Variants in PLCB1 observed in about 807,000 individuals in gnomAD.
The protein encoded by PLCB1 is phospholipase C beta 1, also known as 1-phosphatidylinositol 4,5-bisphosphate phosphodiesterase beta-1.
In PLCB1, 46 loss-of-function variants were observed where a neutral mutation model predicts 161.8. The ratio of observed to expected loss-of-function variants is 0.28; its 90% CI spans 0.22 to 0.36. The LOEUF is 0.36. Ranked by LOEUF, PLCB1 falls within the 10% of genes least tolerant of loss-of-function variation. The probability of loss-of-function intolerance (pLI) is 1.00; values close to 1 mark genes in which losing one functional copy is unlikely to be tolerated. For synonymous variants in PLCB1, 517 were observed against 503.7 expected (o/e 1.03, Z -0.35); for missense variants, 1,016 against 1,472.5 (o/e 0.69, Z 5.07).
intron 2 of PLCB1, 101 bp from the exon 3 acceptor site, chr20:8,371,281 A>G (rs1365425937): frequency 4.2e-6 from 3 of 708,698 alleles, no homozygotes. Context: ...AGAAGTCTTC[A>G]GTCAAGTCTC....
At chr20:8,294,866 CAACTT>C (rs1429942629) in intron 2 of PLCB1, among the ~76,000 whole-genome samples, 15 of 151,866 alleles carry the variant, frequency 9.9e-5, no homozygotes, top group South Asian at 2.1e-4. Flanking sequence ...TTAATAATGT[CAACTT>C]AAATGACCAT....
At chr20:8,814,512 C>A (rs570845490) in intron 31 of PLCB1, among the ~76,000 whole-genome samples, 12 of 151,120 alleles carry the variant, frequency 7.9e-5, no homozygotes, top group Admixed American at 3.3e-4. Flanking sequence ...ATCTATCCAT[C>A]CATCCATTTA....
At chr20:8,810,177 T>C (rs1304766045) in intron 31 of PLCB1, among the ~76,000 whole-genome samples, 1 of 152,192 alleles carries the variant, frequency 6.6e-6, no homozygotes, top group Non-Finnish European at 1.5e-5. Flanking sequence ...GAAAATGTAA[T>C]ACCATCTGGC....
At chr20:8,757,406 C>G (rs1252856202) in intron 24 of PLCB1, among the ~76,000 whole-genome samples, 1 of 152,124 alleles carries the variant, frequency 6.6e-6, no homozygotes, top group Admixed American at 6.5e-5. Context: ...AAAAAATCAC[C>G]CAGATTTCCG....
At chr20:8,160,003 A>G (rs1375885357) in intron 2 of PLCB1, among the ~76,000 whole-genome samples, 11 of 151,044 alleles carry the variant, frequency 7.3e-5, no homozygotes, top group East Asian at 1.9e-4. Context: ...AAAAAAAAAA[A>G]AAAAAGAAAA....
chr20:8,866,204 G>T lies in PLCB1; in HGVS notation c.3424-15418G>T, dbSNP rs1796356520. ...CGTGACGAAGAAGGAAATGGGAAAA[G>T]AGGGAGATGTCCAATATTCTCTAGC... On this transcript the variant is annotated intron_variant, in intron 31 of 31. Transcript: ENST00000338037. Among the ~76,000 whole-genome samples, 4 of 152,242 alleles carry T rather than the reference G, an allele frequency of 2.6e-5. No individual in the cohort carries two copies. In the South Asian group the frequency reaches 8.3e-4, roughly 31 times the overall value.
At chr20:8,213,731 A>C (rs8118127) in intron 2 of PLCB1, among the ~76,000 whole-genome samples, 22,626 of 151,678 alleles carry the variant, frequency 0.15, 2,123 homozygotes, top group South Asian at 0.28. Flanking sequence ...AACATGATTA[A>C]GTTTGCATTA....
intron 1 of PLCB1, among the ~76,000 whole-genome samples, chr20:8,145,366 C>T (rs1334077321): frequency 3.3e-5 from 5 of 152,124 alleles, no homozygotes; most frequent in Non-Finnish European, 5.9e-5. Context: ...TGTAAAGACC[C>T]TATCTCTAAA....
chr20:8,734,426 CA>C (rs1312429012), intron 19 of PLCB1, among the ~76,000 whole-genome samples: 1 of 151,636 alleles, frequency 6.6e-6, no homozygotes, highest in Non-Finnish European at 1.5e-5. Flanking sequence ...CAAAAGCTTT[CA>C]AATTACTTTA....
chr20:8,697,866 C>T, intron 11 of PLCB1, 83 bp downstream of exon 11: 3 of 1,254,504 alleles, frequency 2.4e-6, no homozygotes, highest in Non-Finnish European at 3.3e-6. Context: ...TAGAAAGTCC[C>T]AGTGGTCACA....
chr20:8,819,047 A>G (rs1985212215), intron 31 of PLCB1, among the ~76,000 whole-genome samples: 2 of 152,156 alleles, frequency 1.3e-5, no homozygotes, highest in African/African-American at 2.4e-5. Flanking sequence ...CAAAATTTTT[A>G]TGGTAAAGCA....
chr20:8,461,093 C>T (rs1981555746), intron 3 of PLCB1, among the ~76,000 whole-genome samples: 1 of 152,052 alleles, frequency 6.6e-6, no homozygotes, highest in African/African-American at 2.4e-5. Context: ...TAAATAGATA[C>T]CTACCTTATT....
intron 3 of PLCB1, among the ~76,000 whole-genome samples, chr20:8,611,459 C>T (rs1987900984): frequency 6.6e-6 from 1 of 152,080 alleles, no homozygotes; most frequent in African/African-American, 2.4e-5. Flanking sequence ...CATCAAGTTA[C>T]CTAGTCAGTC....
At chr20:8,187,258 C>A (rs1423431455) in intron 2 of PLCB1, among the ~76,000 whole-genome samples, 2 of 152,046 alleles carry the variant, frequency 1.3e-5, no homozygotes, top group Non-Finnish European at 2.9e-5. Context: ...CCATGATGAA[C>A]TTATGATCCT....
chr20:8,743,342 G>T (rs1980981989), intron 23 of PLCB1, among the ~76,000 whole-genome samples: 1 of 151,712 alleles, frequency 6.6e-6, no homozygotes, highest in Non-Finnish European at 1.5e-5. Flanking sequence ...TCATTCTGTT[G>T]ATATGATGTA....
chr20:8,455,099 G>A (rs949810229), intron 3 of PLCB1, among the ~76,000 whole-genome samples: 5 of 151,930 alleles, frequency 3.3e-5, no homozygotes, highest in Non-Finnish European at 4.4e-5. Flanking sequence ...TTGGGAAGCC[G>A]AGGTGGGCAG....
chr20:8,782,223 G>A (rs1462593299), intron 27 of PLCB1, among the ~76,000 whole-genome samples: 1 of 152,140 alleles, frequency 6.6e-6, no homozygotes, highest in Non-Finnish European at 1.5e-5. Context: ...TCTGAAAAGA[G>A]AAGGGAGCTA....
At chr20:8,806,735 G>A (rs1212378910) in intron 31 of PLCB1, among the ~76,000 whole-genome samples, 1 of 152,026 alleles carries the variant, frequency 6.6e-6, no homozygotes, top group Non-Finnish European at 1.5e-5. Flanking sequence ...TTTTTTATTT[G>A]GATTTCATTT....
chr20:8,203,165 G>A (rs1353835133), intron 2 of PLCB1, among the ~76,000 whole-genome samples: 1 of 151,982 alleles, frequency 6.6e-6, no homozygotes, highest in Non-Finnish European at 1.5e-5. Context: ...GCTGGAGAAA[G>A]TAAAAATCAC....
Sources: allele counts gnomAD v4.1 joint callset (sites outside exome capture counted in the v4.1 genomes callset), GRCh38; gene constraint gnomAD v4.1.1; transcripts MANE v1.5; gene names NCBI Gene and HGNC (gene_info 2026-07-23, HGNC 2026-07-21).